The following NEXMIF variants were observed in gnomAD, a reference collection of about 807,000 sequenced individuals.
NEXMIF encodes the protein XLMR protein related to neurite extension.
NEXMIF carries 8 observed loss-of-function variants against 62.1 expected under a neutral mutation model. That is an observed-to-expected ratio of 0.13 (90% CI 0.08 to 0.23). The LOEUF is 0.23. Ranked by LOEUF, NEXMIF falls within the 10% of genes least tolerant of loss-of-function variation. The pLI is 1.00. For missense variants in NEXMIF, 976 were observed against 1,113.3 expected, an observed-to-expected ratio of 0.88 and a Z score of 1.75; for synonymous variants, 404 against 416.6, an observed-to-expected ratio of 0.97 and a Z score of 0.37.
At chrX:74,875,055 C>T (rs1265659850) in intron 1 of NEXMIF, among the ~76,000 whole-genome samples, 2 of 111,601 alleles carry the variant, frequency 1.8e-5, no homozygotes, top group Admixed American at 9.5e-5. Flanking sequence ...TGAGAGAGGG[C>T]ATCCCTGTCT....
intron 1 of NEXMIF, among the ~76,000 whole-genome samples, chrX:74,898,327 C>A (rs1416453793): frequency 9.0e-6 from 1 of 111,456 alleles, no homozygotes; most frequent in African/African-American, 3.3e-5. Flanking sequence ...ATGAGAAAAA[C>A]ATCAGGTGAA....
At chrX:74,813,781 C>T (rs1156730844) in intron 1 of NEXMIF, among the ~76,000 whole-genome samples, 1 of 111,988 alleles carries the variant, frequency 8.9e-6, no homozygotes, top group African/African-American at 3.2e-5. Flanking sequence ...CACATGTACT[C>T]ATGTAGTATA....
At chrX:74,832,817 C>T (rs1231742586) in intron 1 of NEXMIF, among the ~76,000 whole-genome samples, 1 of 110,900 alleles carries the variant, frequency 9.0e-6, no homozygotes, top group Non-Finnish European at 1.9e-5. Flanking sequence ...TGCTGTGTTT[C>T]CATTATCATT....
At chrX:74,864,228 G>A (rs1394190816) in intron 1 of NEXMIF, among the ~76,000 whole-genome samples, 1 of 112,098 alleles carries the variant, frequency 8.9e-6, no homozygotes. Flanking sequence ...GTTCTGGCCA[G>A]GGCAATCGGT....
chrX:74,923,461 T>A (rs1162857108), intron 1 of NEXMIF, among the ~76,000 whole-genome samples: 1 of 112,272 alleles, frequency 8.9e-6, no homozygotes, highest in Non-Finnish European at 1.9e-5. Flanking sequence ...ATATGTAAAA[T>A]GACAGTTACT....
At position 74,740,864 on chromosome X, in the gene NEXMIF, G is replaced by A. The variant is rs2080100308; in HGVS notation, c.3693C>T (p.Ala1231=). ...KSTKKGKYMA[A]INGEKMQIGI... is the part of the protein sequence containing the mutation. ...CAATTTGCATTTTCTCTCCATTGATGGCAGCCATGTATTTCCCTTTCTTTG... is the reference window on the plus strand; with the variant it reads ...CAATTTGCATTTTCTCTCCATTGATAGCAGCCATGTATTTCCCTTTCTTTG... Residue 1231 remains alanine, a synonymous_variant, in exon 3 of 4, where the codon GCC becomes GCT. Transcript: ENST00000055682. 2 of 1,210,687 alleles carry A rather than the reference G, an allele frequency of 1.7e-6. No homozygotes were observed. The highest frequency in any genetic ancestry group is 2.2e-6 in the Non-Finnish European group (2 of 895,363).
chrX:74,822,746 T>C (rs948753386), intron 1 of NEXMIF, among the ~76,000 whole-genome samples: 8 of 112,078 alleles, frequency 7.1e-5, no homozygotes, highest in African/African-American at 1.9e-4. Context: ...AATGTTGGCA[T>C]GGATGTAGAT....
At chrX:74,868,415 G>A (rs2080587849) in intron 1 of NEXMIF, among the ~76,000 whole-genome samples, 1 of 111,705 alleles carries the variant, frequency 9.0e-6, no homozygotes, top group South Asian at 3.7e-4. Flanking sequence ...AGAAAATGTG[G>A]TATATATACA....
chrX:74,803,332 T>G (rs1275907118), intron 1 of NEXMIF, among the ~76,000 whole-genome samples: 4 of 111,400 alleles, frequency 3.6e-5, no homozygotes, highest in Non-Finnish European at 7.5e-5. Flanking sequence ...GGGCAGATCA[T>G]GAGGTTAGGA....
At chrX:74,756,076 T>C (rs983047909) in intron 1 of NEXMIF, among the ~76,000 whole-genome samples, 1 of 109,840 alleles carries the variant, frequency 9.1e-6, no homozygotes, top group Non-Finnish European at 1.9e-5. Flanking sequence ...GGTTTCACCA[T>C]GTTGGTCAGG....
chrX:74,878,698 G>A (rs966371124), intron 1 of NEXMIF, among the ~76,000 whole-genome samples: 4 of 112,721 alleles, frequency 3.5e-5, no homozygotes, highest in African/African-American at 6.4e-5. Context: ...CTGATGCGCC[G>A]TTTTTTAAGC....
At chrX:74,745,970 C>T (rs2080125080) in intron 1 of NEXMIF, among the ~76,000 whole-genome samples, 1 of 111,568 alleles carries the variant, frequency 9.0e-6, no homozygotes, top group South Asian at 3.8e-4. Flanking sequence ...ACAAACGTAT[C>T]CCTTCCTCCA....
intron 1 of NEXMIF, among the ~76,000 whole-genome samples, chrX:74,784,178 C>A (rs765788428): frequency 8.8e-4 from 98 of 111,527 alleles, no homozygotes; most frequent in African/African-American, 3.0e-3. Flanking sequence ...TATAATTAAC[C>A]ATAGTCTTTC....
chrX:74,745,527 G>A (rs1488971763), intron 2 of NEXMIF, 45 bp downstream of exon 2: 6 of 913,913 alleles, frequency 6.6e-6, no homozygotes, highest in Non-Finnish European at 9.6e-6. Flanking sequence ...AATAACAGAG[G>A]ACTACCAGGA....
intron 1 of NEXMIF, among the ~76,000 whole-genome samples, chrX:74,868,943 T>C (rs1411812116): frequency 4.5e-5 from 5 of 110,754 alleles, no homozygotes; most frequent in Non-Finnish European, 9.4e-5. Context: ...ACTATTCCAA[T>C]AAATAGAGGA....
At chrX:74,872,974 GT>G (rs895604748) in intron 1 of NEXMIF, among the ~76,000 whole-genome samples, 29 of 104,513 alleles carry the variant, frequency 2.8e-4, no homozygotes, top group South Asian at 1.7e-3. Context: ...AATTGTTTTG[GT>G]TTTTTTTTAA....
chrX:74,855,910 C>G (rs1163947059), intron 1 of NEXMIF, among the ~76,000 whole-genome samples: 2 of 112,302 alleles, frequency 1.8e-5, no homozygotes, highest in Non-Finnish European at 3.8e-5. Flanking sequence ...AGTCACTAAA[C>G]AAACTACAGG....
intron 1 of NEXMIF, among the ~76,000 whole-genome samples, chrX:74,842,078 G>T (rs1272712774): frequency 9.0e-6 from 1 of 111,679 alleles, no homozygotes; most frequent in Admixed American, 9.5e-5. Context: ...TTGTAATCTG[G>T]TTGAATTCTA....
intron 1 of NEXMIF, among the ~76,000 whole-genome samples, chrX:74,877,405 T>C (rs998192433): frequency 9.0e-6 from 1 of 111,648 alleles, no homozygotes; most frequent in Non-Finnish European, 1.9e-5. Flanking sequence ...CCGACCTTTC[T>C]CTCTGGCTGC....
Sources: allele counts gnomAD v4.1 joint callset (sites outside exome capture counted in the v4.1 genomes callset), GRCh38; gene constraint gnomAD v4.1.1; transcripts MANE v1.5; gene names NCBI Gene and HGNC (gene_info 2026-07-23, HGNC 2026-07-21).